WASHC2C: variants seen among roughly 807,000 people sequenced by gnomAD.
The protein encoded by WASHC2C is WASH complex subunit 2C.
A neutral mutation model predicts 142.2 loss-of-function variants in WASHC2C; 73 were observed. The observed-to-expected ratio is 0.51, with a 90% CI of 0.43 to 0.62. WASHC2C has a LOEUF of 0.62. Among genes scored for constraint, WASHC2C ranks in the 20% least tolerant of loss-of-function variants. The pLI is 0.00. For missense variants in WASHC2C, 969 were observed against 1,531.7 expected (o/e 0.63, Z 6.13); for synonymous variants, 337 against 565.5 (o/e 0.60, Z 5.73).
chr10:45,769,531 T>G lies in WASHC2C; in HGVS notation c.1952T>G (p.Leu651Arg). Residue 651 changes from leucine to arginine, a missense_variant, in exon 20 of 31, where the codon CTC becomes CGC. By Grantham distance (102) the Leu-to-Arg change is moderately radical. Coordinates refer to ENST00000623400, the MANE Select transcript of WASHC2C (RefSeq NM_001330074.2). ...GGAGAACCCAGGGATTCTGGGACCC[T>G]CCAGAGCCAGGAGGCCAAGGCTGTG... ...SKGEPRDSGT[L>R]QSQEAKAVKK... 1.2e-6 allele frequency: 2 copies of G among 1,611,652 alleles called. No homozygotes were observed. Among genetic ancestry groups the G allele is most frequent in the Non-Finnish European group, 1.7e-6 (2 of 1,179,794 alleles).
intron 15 of WASHC2C, among the ~76,000 whole-genome samples, chr10:45,755,574 C>G (rs1383135372): frequency 2.0e-5 from 3 of 152,300 alleles, no homozygotes; most frequent in Non-Finnish European, 4.4e-5. Flanking sequence ...GCCACTTTGG[C>G]ATTCTCCTCT....
intron 20 of WASHC2C, chr10:45,771,802 A>T (rs2056613547): frequency 6.1e-6 from 1 of 162,690 alleles, no homozygotes; most frequent in Non-Finnish European, 1.3e-5. Context: ...TGCTGGTGGG[A>T]ACGTAAAATG....
chr10:45,761,912 A>C (rs1167736110), intron 17 of WASHC2C, among the ~76,000 whole-genome samples: 2 of 151,848 alleles, frequency 1.3e-5, no homozygotes, highest in Admixed American at 6.6e-5. Context: ...AACCCATGGG[A>C]CTCCGGGGAG....
intron 27 of WASHC2C, 165 bp downstream of exon 27, chr10:45,786,839 A>G (rs561247133): frequency 4.5e-6 from 7 of 1,540,744 alleles, no homozygotes; most frequent in African/African-American, 4.1e-5. Flanking sequence ...TTTAACATCT[A>G]TTCTTTGAGC....
chr10:45,786,588 T>G (rs1554890141), intron 26 of WASHC2C, 24 bp from the exon 27 acceptor site: 1 of 1,611,092 alleles, frequency 6.2e-7, no homozygotes, highest in Non-Finnish European at 8.5e-7. Context: ...AAATGGATTT[T>G]TAACTGGATG....
chr10:45,735,442 T>C (rs550214837), intron 3 of WASHC2C, among the ~76,000 whole-genome samples: 26 of 151,504 alleles, frequency 1.7e-4, no homozygotes, highest in African/African-American at 5.6e-4. Flanking sequence ...GGTTTCACCA[T>C]GTTGGCCAGG....
intron 11 of WASHC2C, among the ~76,000 whole-genome samples, chr10:45,752,015 G>T (rs1379749263): frequency 6.6e-6 from 1 of 152,228 alleles, no homozygotes. Context: ...GTTTTGGGGT[G>T]CTGGGAGGAT....
At chr10:45,729,840 A>T (rs2597050) in intron 3 of WASHC2C, among the ~76,000 whole-genome samples, 6,664 of 124,166 alleles carry the variant, frequency 0.054, no homozygotes, top group Middle Eastern at 0.1. Flanking sequence ...CAAAATTATT[A>T]AAAAAGCCCA....
Position 45,792,608 on chromosome 10 carries a change from T to G in WASHC2C, c.*208T>G. On this transcript the variant is annotated 3_prime_UTR_variant, in exon 31 of 31. Coordinates refer to ENST00000623400, the MANE Select transcript of WASHC2C (RefSeq NM_001330074.2). The stretch of plus-strand genomic sequence containing the variant: ...AAATAAATATTTCACAGTGGTTGGT[T>G]TGTTTTGTTTTTAAACCACAGTTTG... 1.6e-6 allele frequency: 1 copy of G among 610,854 alleles called. No individual in the cohort carries two copies. Among genetic ancestry groups the G allele is most frequent in the East Asian group, 2.8e-5 (1 of 35,522 alleles). 37.8% of individuals were successfully genotyped at this position (610,854 alleles called of 1,614,324 possible).
chr10:45,772,453 A>G (rs2056686580), intron 20 of WASHC2C, among the ~76,000 whole-genome samples: 1 of 152,176 alleles, frequency 6.6e-6, no homozygotes, highest in Non-Finnish European at 1.5e-5. Context: ...GCAACGGCTC[A>G]TGCCTGTAAT....
intron 28 of WASHC2C, among the ~76,000 whole-genome samples, chr10:45,787,952 A>C (rs1222576361): frequency 6.6e-6 from 1 of 152,288 alleles, no homozygotes; most frequent in Admixed American, 6.5e-5. Flanking sequence ...TCTTGTTTCT[A>C]TCCAGTCTCC....
chr10:45,787,760 G>A (rs1319129217), intron 28 of WASHC2C, among the ~76,000 whole-genome samples: 9 of 152,100 alleles, frequency 5.9e-5, no homozygotes, highest in Admixed American at 3.3e-4. Context: ...GCTGCCCAAG[G>A]CTCCTGCTGC....
At chr10:45,754,299 C>CA (rs1293957158) in intron 13 of WASHC2C, among the ~76,000 whole-genome samples, 187 bp from the exon 14 acceptor site, 15 of 149,866 alleles carry the variant, frequency 1.0e-4, no homozygotes, top group East Asian at 5.8e-4. Flanking sequence ...GTGTTAATCC[C>CA]AAAAAAAAAG....
chr10:45,743,510 T>C, intron 6 of WASHC2C, 27 bp downstream of exon 6: 1 of 1,606,380 alleles, frequency 6.2e-7, no homozygotes, highest in East Asian at 2.2e-5. Flanking sequence ...AATAATTTTA[T>C]TCCTTAACAT....
intron 7 of WASHC2C, 72 bp downstream of exon 7, chr10:45,744,954 G>A: frequency 2.1e-6 from 1 of 468,988 alleles, no homozygotes; most frequent in South Asian, 2.7e-5. Flanking sequence ...AGCAGGCTAA[G>A]TAAATAGCAT....
intron 18 of WASHC2C, among the ~76,000 whole-genome samples, chr10:45,764,078 C>T (rs1258241461): frequency 6.6e-6 from 1 of 151,058 alleles, no homozygotes; most frequent in Non-Finnish European, 1.5e-5. Context: ...ACAATTGACC[C>T]TTTAACAGTG....
chr10:45,748,188 A>G (rs1389316586), intron 8 of WASHC2C, among the ~76,000 whole-genome samples: 1 of 129,900 alleles, frequency 7.7e-6, no homozygotes, highest in Non-Finnish European at 1.6e-5. Flanking sequence ...AATGTGGTTG[A>G]TCTCTATAAT....
intron 17 of WASHC2C, among the ~76,000 whole-genome samples, chr10:45,761,915 C>T (rs1447507949): frequency 6.6e-6 from 1 of 151,970 alleles, no homozygotes; most frequent in Non-Finnish European, 1.5e-5. Context: ...CCATGGGACT[C>T]CGGGGAGCAC....
intron 27 of WASHC2C, 160 bp downstream of exon 27, chr10:45,786,834 C>A (rs2058080031): frequency 6.5e-7 from 1 of 1,533,984 alleles, no homozygotes; most frequent in Admixed American, 1.8e-5. Flanking sequence ...GCGTCTTTAA[C>A]ATCTATTCTT....
Sources: allele counts gnomAD v4.1 joint callset (sites outside exome capture counted in the v4.1 genomes callset), GRCh38; gene constraint gnomAD v4.1.1; transcripts MANE v1.5; gene names NCBI Gene and HGNC (gene_info 2026-07-23, HGNC 2026-07-21).